The following ALG12 variants were observed in gnomAD, a reference collection of about 807,000 sequenced individuals.
ALG12 encodes the protein dol-P-Man:Man(7)GlcNAc(2)-PP-Dol alpha-1,6-mannosyltransferase.
ALG12 carries 36 observed loss-of-function variants against 46.0 expected under a neutral mutation model. That is an observed-to-expected ratio of 0.78 (90% CI 0.60 to 1.03). The LOEUF is 1.03. ALG12 is among the 50% of genes least tolerant of loss of function. The probability of loss-of-function intolerance (pLI) is 0.00; values close to 1 mark genes in which losing one functional copy is unlikely to be tolerated. For synonymous variants in ALG12, 326 were observed against 291.6 expected (o/e 1.12, Z -1.20); for missense variants, 599 against 633.5 (o/e 0.95, Z 0.58).
rs748105785 is a variant in ALG12, at chr22:49,910,074, C to CTGCT, written c.483_484insAGCA (p.Ala162SerfsTer174). On this transcript the variant is annotated frameshift_variant, in exon 5 of 10. Transcript: ENST00000330817. LOFTEE classifies it high-confidence loss of function. ...GCCCACTCGTGCCGCAGCCAGGCCG[C>CTGCT]GAGGGCCAGCAGGACTGCAAGACAG... The CTGCT allele has an allele frequency of 1.2e-6, 2 of 1,608,852 alleles. No individual in the cohort carries two copies. The highest frequency in any genetic ancestry group is 1.7e-5 in the Admixed American group (1 of 59,338).
At chr22:49,911,139 C>T (rs1601824760) in intron 3 of ALG12, among the ~76,000 whole-genome samples, 1 of 152,188 alleles carries the variant, frequency 6.6e-6, no homozygotes, top group Non-Finnish European at 1.5e-5. Context: ...AGTACCCAGC[C>T]GACCACACAT....
At chr22:49,912,091 C>T (rs2060581290) in intron 3 of ALG12, among the ~76,000 whole-genome samples, 1 of 144,506 alleles carries the variant, frequency 6.9e-6, no homozygotes, top group South Asian at 2.3e-4. Context: ...CACCCTCGGC[C>T]CCGGGATCAC....
chr22:49,887,147 T>G, the ALG12 span: 1 of 1,613,164 alleles, frequency 6.2e-7, no homozygotes, highest in Non-Finnish European at 8.5e-7. Flanking sequence ...TTTTTGAAAG[T>G]GAATCTTCCC....
At chr22:49,909,106 G>A (rs536943511) in intron 6 of ALG12, 138 bp downstream of exon 6, 2 of 906,746 alleles carry the variant, frequency 2.2e-6, no homozygotes, top group Non-Finnish European at 3.6e-6. Flanking sequence ...GGAGCAAGTG[G>A]GAGGGAGGGG....
the ALG12 span, among the ~76,000 whole-genome samples, chr22:49,862,137 C>G: frequency 6.6e-6 from 1 of 152,198 alleles, no homozygotes; most frequent in African/African-American, 2.4e-5. Context: ...GGATGTAGCA[C>G]GGAGCAGTTG....
rs779657277 is a variant in ALG12 at position 49,913,721 on chromosome 22, C to A, written c.45G>T (p.Gly15=). 5.0e-6 allele frequency: 8 copies of A among 1,613,750 alleles called. No homozygotes were observed. Among genetic ancestry groups the A allele is most frequent in the Non-Finnish European group, 6.8e-6 (8 of 1,180,036 alleles). The change falls in exon 2 of 10, where the codon GGG becomes GGT. Residue 15 remains glycine (G), a synonymous_variant. Coordinates refer to ENST00000330817, the MANE Select transcript of ALG12 (RefSeq NM_024105.4). ...GGACAGTGGCTACGGCCACCAGCAG[C>A]CCCAGCAGCAGGGGCCGCCTGCCTG... ...GSSGRRPLLL[G]LLVAVATVHL... is the part of the protein sequence containing the mutation.
At chr22:49,890,981 G>A in the ALG12 span, among the ~76,000 whole-genome samples, 1 of 151,344 alleles carries the variant, frequency 6.6e-6, no homozygotes, top group Middle Eastern at 3.2e-3. Flanking sequence ...AGCTAGCTGA[G>A]ATTGTGCCAC....
At chr22:49,878,219 C>T in the ALG12 span, among the ~76,000 whole-genome samples, 8 of 146,120 alleles carry the variant, frequency 5.5e-5, no homozygotes, top group South Asian at 8.6e-4. Context: ...GCAGGAGAAT[C>T]GTTTGAACCC....
Position 49,904,024 on chromosome 22 carries a change from C to G in ALG12, c.1281G>C (p.Leu427=). ...REDVQPGTGM[L]AYTHILMEAA... is the part of the protein sequence containing the mutation. ...CCTCCATGAGGATGTGTGTGTATGC[C>G]AGCATGCCTGTCCCCGGCTGCACAT... The change falls in exon 10 of 10, where the codon CTG becomes CTC. Residue 427 remains leucine (L), a synonymous_variant. Transcript: ENST00000330817. 1.2e-6 allele frequency: 2 copies of G among 1,614,182 alleles called. No homozygotes were observed. Among genetic ancestry groups the G allele is most frequent in the Non-Finnish European group, 1.7e-6 (2 of 1,179,996 alleles).
intron 4 of ALG12, 79 bp from the exon 5 acceptor site, chr22:49,910,167 G>T: frequency 6.9e-7 from 1 of 1,441,542 alleles, no homozygotes; most frequent in Non-Finnish European, 9.4e-7. Context: ...AGTGAAGGGT[G>T]ATTCCTTTTC....
At chr22:49,879,249 C>T in the ALG12 span, among the ~76,000 whole-genome samples, 11 of 151,136 alleles carry the variant, frequency 7.3e-5, no homozygotes, top group South Asian at 2.1e-4. Flanking sequence ...CTCAGCCTCC[C>T]GAGTAGCTGG....
At chr22:49,893,147 C>T in the ALG12 span, among the ~76,000 whole-genome samples, 1 of 152,114 alleles carries the variant, frequency 6.6e-6, no homozygotes, top group Admixed American at 6.5e-5. Context: ...TCTTGAAGTA[C>T]AGAGAGATGA....
At chr22:49,914,762 G>A (rs373328164) in intron 1 of ALG12, among the ~76,000 whole-genome samples, 9 of 152,334 alleles carry the variant, frequency 5.9e-5, no homozygotes, top group East Asian at 5.8e-4. Context: ...AAGAGACAGC[G>A]TCTTACTCTG....
the ALG12 span, among the ~76,000 whole-genome samples, chr22:49,865,342 CTG>C: frequency 1.1e-4 from 16 of 152,194 alleles, no homozygotes; most frequent in Admixed American, 2.0e-4. Context: ...CAGCACGTGA[CTG>C]TGTGTGTTAA....
At chr22:49,910,184 T>C (rs944421433) in intron 4 of ALG12, 96 bp from the exon 5 acceptor site, 3 of 1,387,054 alleles carry the variant, frequency 2.2e-6, no homozygotes, top group Admixed American at 2.2e-5. Context: ...TTTCCTATTA[T>C]AAAAGCCACA....
rs946784075 is a variant in ALG12, at chr22:49,902,933, G to A, written c.*905C>T. ...ATGCATGGTGTGTGCACGTGTGCAC[G>A]GTGTGTGGTGTGTATGCATGGTGTG... On this transcript the variant is annotated 3_prime_UTR_variant, in exon 10 of 10. Coordinates refer to ENST00000330817, the MANE Select transcript of ALG12 (RefSeq NM_024105.4). 96 of 229,632 alleles carry A rather than the reference G, an allele frequency of 4.2e-4. No individual in the cohort carries two copies. Among genetic ancestry groups the A allele is most frequent in the Non-Finnish European group, 6.4e-4 (78 of 121,140 alleles). The allele number at this position is 229,632 out of a possible 1,614,324, so 14.2% of individuals were successfully genotyped here. A position where few individuals can be genotyped will look rare whatever the true frequency, so the allele number is the denominator to read the frequency against.
the ALG12 span, among the ~76,000 whole-genome samples, chr22:49,895,109 C>T: frequency 6.6e-6 from 1 of 151,930 alleles, no homozygotes; most frequent in African/African-American, 2.4e-5. Context: ...GCTTTACAGC[C>T]CATCTTTCTA....
chr22:49,868,754 G>A, the ALG12 span, among the ~76,000 whole-genome samples: 1 of 152,120 alleles, frequency 6.6e-6, no homozygotes, highest in Non-Finnish European at 1.5e-5. Flanking sequence ...GTGTTGTAGG[G>A]TTGAGCAAAT....
At chr22:49,894,603 A>G in the ALG12 span, among the ~76,000 whole-genome samples, 3 of 152,378 alleles carry the variant, frequency 2.0e-5, no homozygotes, top group African/African-American at 7.2e-5. Context: ...GGTGAGGTTA[A>G]TGGGATGACA....
Sources: gnomAD v4.1 joint callset for allele counts (sites outside exome capture counted in the v4.1 genomes callset) on GRCh38, gnomAD v4.1.1 for gene constraint, MANE v1.5 for transcripts, NCBI Gene and HGNC (gene_info 2026-07-23, HGNC 2026-07-21) for gene names.